SKAP2: variants seen among roughly 807,000 people sequenced by gnomAD.
The protein encoded by SKAP2 is src kinase-associated phosphoprotein 2.
In SKAP2, 28 loss-of-function variants were observed where a neutral mutation model predicts 54.9. That is an observed-to-expected ratio of 0.51 (90% CI 0.38 to 0.70). SKAP2 has a LOEUF of 0.70. Ranked by LOEUF, SKAP2 falls within the 30% of genes least tolerant of loss-of-function variation. SKAP2 has a pLI of 0.00. For missense variants in SKAP2, 356 were observed against 424.1 expected (o/e 0.84, Z 1.41); for synonymous variants, 137 against 134.3 (o/e 1.02, Z -0.14).
chr7:26,788,665 G>C (rs1247515181), intron 4 of SKAP2, among the ~76,000 whole-genome samples: 1 of 152,006 alleles, frequency 6.6e-6, no homozygotes, highest in Non-Finnish European at 1.5e-5. Context: ...TTGTTACTAT[G>C]AGCACAAAAT....
chr7:26,661,822 T>C, the SKAP2 span, among the ~76,000 whole-genome samples: 1 of 152,166 alleles, frequency 6.6e-6, no homozygotes, highest in Non-Finnish European at 1.5e-5. Flanking sequence ...TATTTGATCA[T>C]TGTTTCATTT....
intron 6 of SKAP2, among the ~76,000 whole-genome samples, chr7:26,733,702 A>AT (rs1200393299): frequency 6.6e-6 from 1 of 152,142 alleles, no homozygotes; most frequent in African/African-American, 2.4e-5. Context: ...AAGTTCTGAA[A>AT]TTTTGTTATC....
At chr7:26,655,958 G>T in the SKAP2 span, among the ~76,000 whole-genome samples, 1 of 152,048 alleles carries the variant, frequency 6.6e-6, no homozygotes, top group Non-Finnish European at 1.5e-5. Flanking sequence ...TGTTAGCAAG[G>T]GCTTCCTCTC....
At chr7:26,811,954 T>A (rs2127988140) in intron 4 of SKAP2, among the ~76,000 whole-genome samples, 1 of 152,362 alleles carries the variant, frequency 6.6e-6, no homozygotes, top group South Asian at 2.1e-4. Context: ...TTAATTTATA[T>A]AACATTAAAG....
intron 11 of SKAP2, among the ~76,000 whole-genome samples, chr7:26,673,153 G>T (rs956114445): frequency 2.0e-5 from 3 of 151,906 alleles, no homozygotes; most frequent in African/African-American, 7.2e-5. Flanking sequence ...TCCATACCAG[G>T]CTGTTGTCTA....
chr7:26,734,376 G>C (rs558910696), intron 6 of SKAP2, among the ~76,000 whole-genome samples: 1 of 152,172 alleles, frequency 6.6e-6, no homozygotes, highest in Non-Finnish European at 1.5e-5. Context: ...TACCAACCTG[G>C]TCTAATCCAC....
chr7:26,682,912 A>G (rs1786536088), intron 11 of SKAP2, among the ~76,000 whole-genome samples: 2 of 152,210 alleles, frequency 1.3e-5, no homozygotes, highest in South Asian at 4.1e-4. Context: ...AGTAGAAACA[A>G]GAGATGCCTA....
Position 26,854,811 on chromosome 7 carries a change from A to C in SKAP2, c.147T>G (p.Ile49Met), listed in dbSNP as rs145659190. 1.0e-4 allele frequency: 166 copies of C among 1,601,168 alleles called. No homozygotes were observed. Among genetic ancestry groups the C allele is most frequent in the Non-Finnish European group, 1.3e-4 (147 of 1,171,388 alleles). ...TAGACTTTACATCTTTTATCTTCTT[A>C]ATAAGGGATTCTCTCTTTTCCTTTG... ...KKAKEKRESL[I>M]KKIKDVKSIY... Residue 49 changes from isoleucine (I) to methionine (M), a missense_variant, in exon 2 of 13, where the codon ATT becomes ATG. By Grantham distance (10) the Ile-to-Met change is conservative. Transcript: ENST00000345317.
At chr7:26,662,130 G>A (rs893412132), downstream of SKAP2, among the ~76,000 whole-genome samples, 3 of 152,028 alleles carry the variant, frequency 2.0e-5, no homozygotes, top group African/African-American at 4.8e-5. Flanking sequence ...ACTCCTAAAG[G>A]GGTAGGGTCA....
intron 4 of SKAP2, among the ~76,000 whole-genome samples, chr7:26,749,697 C>T (rs1474543539): frequency 6.6e-6 from 1 of 151,340 alleles, no homozygotes; most frequent in Non-Finnish European, 1.5e-5. Context: ...GATAGTGCCA[C>T]TGCACTCCAG....
intron 9 of SKAP2, among the ~76,000 whole-genome samples, chr7:26,700,996 T>C (rs1787010341): frequency 6.6e-6 from 1 of 152,210 alleles, no homozygotes; most frequent in Non-Finnish European, 1.5e-5. Context: ...GGGAAGCAGC[T>C]GGCCTCTCTC....
intron 4 of SKAP2, among the ~76,000 whole-genome samples, chr7:26,814,663 A>G (rs1169360176): frequency 6.6e-6 from 1 of 151,980 alleles, no homozygotes; most frequent in African/African-American, 2.4e-5. Flanking sequence ...CTAATTAAAT[A>G]TTTAAACTCA....
At chr7:26,853,998 C>G (rs943126269) in intron 3 of SKAP2, 139 bp downstream of exon 3, 3 of 575,820 alleles carry the variant, frequency 5.2e-6, no homozygotes, top group Non-Finnish European at 9.3e-6. Flanking sequence ...CTAGCACTCT[C>G]ATCTTGAAGG....
intron 4 of SKAP2, among the ~76,000 whole-genome samples, chr7:26,822,152 A>T (rs1339011428): frequency 2.0e-5 from 3 of 152,188 alleles, no homozygotes; most frequent in African/African-American, 7.2e-5. Context: ...TTTGGTCTTC[A>T]ATTACCCATC....
chr7:26,675,138 C>G (rs763345772), intron 11 of SKAP2, among the ~76,000 whole-genome samples: 1 of 152,160 alleles, frequency 6.6e-6, no homozygotes, highest in Non-Finnish European at 1.5e-5. Context: ...CTGTTCTTCC[C>G]GGGAACTCTT....
intron 9 of SKAP2, among the ~76,000 whole-genome samples, chr7:26,705,587 T>G (rs1232810621): frequency 6.6e-6 from 1 of 152,198 alleles, no homozygotes; most frequent in Non-Finnish European, 1.5e-5. Context: ...GGTTTTATTA[T>G]AAACAACTTT....
intron 4 of SKAP2, among the ~76,000 whole-genome samples, chr7:26,758,027 C>T (rs1011662366): frequency 1.3e-5 from 2 of 152,200 alleles, no homozygotes; most frequent in African/African-American, 4.8e-5. Flanking sequence ...TCCCAAAGTG[C>T]TGGGATTACG....
At chr7:26,800,427 T>C (rs1383005691) in intron 4 of SKAP2, among the ~76,000 whole-genome samples, 1 of 151,814 alleles carries the variant, frequency 6.6e-6, no homozygotes, top group Non-Finnish European at 1.5e-5. Context: ...GAGGAAAATT[T>C]TCAATGCATC....
At chr7:26,730,796 G>A (rs954670744) in intron 6 of SKAP2, among the ~76,000 whole-genome samples, 2 of 152,164 alleles carry the variant, frequency 1.3e-5, no homozygotes, top group African/African-American at 4.8e-5. Flanking sequence ...AAAACAAAAT[G>A]CATAAGGCTA....
Sources: allele counts gnomAD v4.1 joint callset (sites outside exome capture counted in the v4.1 genomes callset), GRCh38; gene constraint gnomAD v4.1.1; transcripts MANE v1.5; gene names NCBI Gene and HGNC (gene_info 2026-07-23, HGNC 2026-07-21).